The following IL1RAPL1 variants were observed in gnomAD, a reference collection of about 807,000 sequenced individuals.
The protein encoded by IL1RAPL1 is interleukin 1 receptor accessory protein like 1.
IL1RAPL1 carries 3 observed loss-of-function variants against 48.4 expected under a neutral mutation model. The observed-to-expected ratio is 0.06, with a 90% CI of 0.03 to 0.16. The LOEUF is 0.16. IL1RAPL1 is among the 10% of genes least tolerant of loss of function. The probability of loss-of-function intolerance (pLI) is 1.00; values close to 1 mark genes in which losing one functional copy is unlikely to be tolerated. For synonymous variants in IL1RAPL1, 185 were observed against 187.7 expected, an observed-to-expected ratio of 0.99 and a Z score of 0.12; for missense variants, 349 against 530.6, an observed-to-expected ratio of 0.66 and a Z score of 3.36.
chrX:29,334,079 G>A (rs867747518), intron 3 of IL1RAPL1, among the ~76,000 whole-genome samples: 1 of 17,358 alleles, frequency 5.8e-5, no homozygotes, highest in African/African-American at 2.6e-4. Flanking sequence ...GGGGCTGACC[G>A]CCCCACCTCC....
rs1229716862 is a variant in IL1RAPL1 at position 29,332,644 on chromosome X, A to AT, written c.362+49430dup. Reference sequence around the variant, plus strand: ...TATTTATTTATTTATTTATTTATTTATTTATTTTATTTTTTTTTTTTTATT... The same window carrying AT: ...TATTTATTTATTTATTTATTTATTTATTTTATTTTATTTTTTTTTTTTTATT... On this transcript the variant is annotated intron_variant, in intron 3 of 10. Transcript: ENST00000378993. Among the ~76,000 whole-genome samples, 374 of 77,157 alleles carry AT rather than the reference A, an allele frequency of 4.8e-3. 3 individuals are homozygous for AT. Among genetic ancestry groups the AT allele is most frequent in the African/African-American group, 0.018 (304 of 17,150 alleles). The allele number at this position is 77,157 out of a possible 115,157, so 67.0% of individuals were successfully genotyped here.
chrX:29,562,078 ATCTAATCT>A (rs1198378769), intron 5 of IL1RAPL1, among the ~76,000 whole-genome samples: 3 of 83,163 alleles, frequency 3.6e-5, no homozygotes, highest in African/African-American at 1.0e-4. Flanking sequence ...CTATCTATCT[ATCTAATCT>A]ATCTGTCTAT....
intron 6 of IL1RAPL1, among the ~76,000 whole-genome samples, chrX:29,907,252 CAA>C (rs1932651493): frequency 9.0e-6 from 1 of 111,131 alleles, no homozygotes; most frequent in Non-Finnish European, 1.9e-5. Flanking sequence ...TAAATAAACA[CAA>C]AAAATAAAAA....
chrX:29,260,959 TAATAA>T (rs1931847506), intron 2 of IL1RAPL1, among the ~76,000 whole-genome samples: 2 of 107,152 alleles, frequency 1.9e-5, no homozygotes, highest in African/African-American at 6.7e-5. Flanking sequence ...ACGAATAAAA[TAATAA>T]AATGTATAGA....
chrX:28,873,528 T>C (rs1485640375), intron 2 of IL1RAPL1, among the ~76,000 whole-genome samples: 2 of 18,798 alleles, frequency 1.1e-4, no homozygotes, highest in African/African-American at 8.3e-4. Context: ...TCTTTCTTTT[T>C]TTTTTTTTTT....
chrX:29,809,296 CG>C lies in IL1RAPL1; in HGVS notation c.779-108164del, dbSNP rs759348225. 1.8e-3 allele frequency among the ~76,000 whole-genome samples: 190 copies of C among 105,295 alleles called. 1 individual carries two copies. Among genetic ancestry groups the C allele is most frequent in the African/African-American group, 6.4e-3 (184 of 28,735 alleles). 91.4% of individuals were successfully genotyped at this position (105,295 alleles called of 115,157 possible). A position where few individuals can be genotyped will look rare whatever the true frequency, so the allele number is the denominator to read the frequency against. On this transcript the variant is annotated intron_variant, in intron 6 of 10. Transcript: ENST00000378993. ...CATTTTTTTTTTTTTTTAGTGGAGA[CG>C]GGGTTTCACCATGTTAGCCAGGATG...
At chrX:29,265,454 TC>T (rs1269121646) in intron 2 of IL1RAPL1, among the ~76,000 whole-genome samples, 3 of 109,893 alleles carry the variant, frequency 2.7e-5, no homozygotes, top group Admixed American at 1.9e-4. Flanking sequence ...AATCATGGAA[TC>T]TTTTTTTTTA....
At chrX:29,077,766 CA>C (rs1927712527) in intron 2 of IL1RAPL1, among the ~76,000 whole-genome samples, 2 of 111,050 alleles carry the variant, frequency 1.8e-5, no homozygotes, top group Admixed American at 9.6e-5. Context: ...CAAGACACGG[CA>C]AATCTAGGGG....
At chrX:29,479,637 G>A (rs958240999) in intron 5 of IL1RAPL1, among the ~76,000 whole-genome samples, 2 of 108,873 alleles carry the variant, frequency 1.8e-5, no homozygotes, top group African/African-American at 3.4e-5. Flanking sequence ...CGCAGTGTAC[G>A]CTATAATGTA....
chrX:29,038,407 T>C (rs1926774559), intron 2 of IL1RAPL1, among the ~76,000 whole-genome samples: 1 of 112,193 alleles, frequency 8.9e-6, no homozygotes, highest in Non-Finnish European at 1.9e-5. Flanking sequence ...TACAGCCATT[T>C]AAATATGCTA....
At chrX:29,466,774 G>A (rs1001901484) in intron 5 of IL1RAPL1, among the ~76,000 whole-genome samples, 1 of 111,942 alleles carries the variant, frequency 8.9e-6, no homozygotes, top group Admixed American at 9.5e-5. Context: ...CATTTCTGAA[G>A]CTCACTTTTT....
chrX:28,712,360 GT>G (rs1051279181), intron 1 of IL1RAPL1, among the ~76,000 whole-genome samples: 237 of 105,272 alleles, frequency 2.3e-3, no homozygotes, highest in African/African-American at 6.8e-3. Flanking sequence ...GGGTTGGCAG[GT>G]TTTTTTTTTT....
intron 5 of IL1RAPL1, among the ~76,000 whole-genome samples, chrX:29,500,488 C>T (rs964294732): frequency 9.0e-6 from 1 of 111,389 alleles, no homozygotes; most frequent in African/African-American, 3.3e-5. Flanking sequence ...ATGAGATCTA[C>T]TTTTTCAGCT....
At chrX:29,479,897 TTTTC>T (rs763433076) in intron 5 of IL1RAPL1, among the ~76,000 whole-genome samples, 2 of 111,720 alleles carry the variant, frequency 1.8e-5, no homozygotes, top group African/African-American at 3.3e-5. Context: ...ATATACCGCA[TTTTC>T]TTTATTCACT....
At chrX:29,312,977 CTG>C (rs1199563540) in intron 3 of IL1RAPL1, among the ~76,000 whole-genome samples, 1 of 111,692 alleles carries the variant, frequency 9.0e-6, no homozygotes, top group African/African-American at 3.3e-5. Flanking sequence ...CCAGGTGGAA[CTG>C]TGAGTCCATT....
chrX:29,665,264 A>G (rs963774391), intron 5 of IL1RAPL1, among the ~76,000 whole-genome samples: 7 of 112,514 alleles, frequency 6.2e-5, no homozygotes, highest in African/African-American at 2.3e-4. Flanking sequence ...GGAAGAGAGA[A>G]ATGTCTTCGT....
rs542169399 is a variant in IL1RAPL1, at chrX:28,752,264, A to G, written c.-24-37056A>G. Among the ~76,000 whole-genome samples the G allele has an allele frequency of 7.2e-5, 8 of 111,797 alleles. No homozygotes were observed. In the South Asian group the frequency reaches 3.0e-3, roughly 42 times the overall value. On this transcript the variant is annotated intron_variant, in intron 1 of 10. Coordinates refer to ENST00000378993, the MANE Select transcript of IL1RAPL1 (RefSeq NM_014271.4). ...ACTTATGTCTGAAGCATAAGCAAAGATTCTTCCCCAGCTTCTCCTCTTATT... is the reference window on the plus strand; with the variant it reads ...ACTTATGTCTGAAGCATAAGCAAAGGTTCTTCCCCAGCTTCTCCTCTTATT...
At chrX:28,877,759 CTTAT>C (rs1186886322) in intron 2 of IL1RAPL1, among the ~76,000 whole-genome samples, 1 of 111,468 alleles carries the variant, frequency 9.0e-6, no homozygotes, top group Non-Finnish European at 1.9e-5. Context: ...TAGTAATAAA[CTTAT>C]TGTTTCTGTC....
chrX:29,100,786 A>G (rs1285258897), intron 2 of IL1RAPL1, among the ~76,000 whole-genome samples: 2 of 111,995 alleles, frequency 1.8e-5, no homozygotes, highest in South Asian at 3.7e-4. Context: ...GATATAAAAA[A>G]GGCACTTATC....
Sources: allele counts gnomAD v4.1 joint callset (sites outside exome capture counted in the v4.1 genomes callset), GRCh38; gene constraint gnomAD v4.1.1; transcripts MANE v1.5; gene names NCBI Gene and HGNC (gene_info 2026-07-23, HGNC 2026-07-21).